Variants in ANKRD6 observed in about 807,000 individuals in gnomAD.
ANKRD6 encodes ankyrin repeat domain 6.
A neutral mutation model predicts 82.3 loss-of-function variants in ANKRD6; 56 were observed. The observed-to-expected ratio is 0.68, with a 90% confidence interval of 0.55 to 0.85. The LOEUF is 0.85. Among genes scored for constraint, ANKRD6 ranks in the 40% least tolerant of loss-of-function variants. The probability of loss-of-function intolerance (pLI) is 0.00; values close to 1 mark genes in which losing one functional copy is unlikely to be tolerated. For synonymous variants in ANKRD6, 347 were observed against 352.1 expected, an observed-to-expected ratio of 0.99 and a Z score of 0.16; for missense variants, 852 against 907.6, an observed-to-expected ratio of 0.94 and a Z score of 0.79.
At chr6:89,623,125 G>T (rs545171172) in intron 10 of ANKRD6, among the ~76,000 whole-genome samples, 1 of 152,136 alleles carries the variant, frequency 6.6e-6, no homozygotes, top group East Asian at 1.9e-4. Context: ...GGTGTTTTGT[G>T]TCGGGTAGGT....
intron 1 of ANKRD6, among the ~76,000 whole-genome samples, chr6:89,514,117 C>T (rs148937337): frequency 1.4e-3 from 211 of 152,300 alleles, no homozygotes; most frequent in African/African-American, 4.8e-3. Context: ...GTAGATCATG[C>T]CTGTAATCCC....
chr6:89,444,915 C>A (rs1005889445), intron 1 of ANKRD6, among the ~76,000 whole-genome samples: 32 of 151,978 alleles, frequency 2.1e-4, no homozygotes, highest in Non-Finnish European at 3.8e-4. Flanking sequence ...TTACAGTGAG[C>A]CAAGATCACA....
chr6:89,612,872 C>T (rs1408725499), intron 6 of ANKRD6, among the ~76,000 whole-genome samples: 2 of 152,210 alleles, frequency 1.3e-5, no homozygotes, highest in African/African-American at 4.8e-5. Context: ...CACAAAGAAG[C>T]TGTATTTCCT....
At chr6:89,493,893 CA>C (rs1197358222) in intron 1 of ANKRD6, among the ~76,000 whole-genome samples, 16 of 152,136 alleles carry the variant, frequency 1.1e-4, no homozygotes, top group Non-Finnish European at 2.1e-4. Flanking sequence ...AGGAAGTTGA[CA>C]TAACTTTTTG....
intron 5 of ANKRD6, among the ~76,000 whole-genome samples, chr6:89,607,184 G>C (rs1583695544): frequency 7.4e-6 from 1 of 134,762 alleles, no homozygotes; most frequent in Non-Finnish European, 1.6e-5. Flanking sequence ...AAAAAAAAAA[G>C]GTCCTTTTTA....
rs573912891 is a variant in ANKRD6 at position 89,498,245 on chromosome 6, A to G, written c.-144+64870A>G. Among the ~76,000 whole-genome samples, 24 of 152,306 alleles carry G rather than the reference A, an allele frequency of 1.6e-4. No homozygotes were observed. The East Asian group carries it at 4.2e-3, about 27-fold the overall frequency. On this transcript the variant is annotated intron_variant, in intron 1 of 15. Transcript: ENST00000339746. The stretch of plus-strand genomic sequence containing the variant: ...TTTGAAGCTAGTGTTATTACTTTAT[A>G]AATATTTTAATATATGCATTTGTAC...
rs746815970 is a variant in ANKRD6, at chr6:89,629,093, G to GT, written c.1486-16dup. 1.5e-5 allele frequency: 24 copies of GT among 1,590,212 alleles called. No individual in the cohort carries two copies. The highest frequency in any genetic ancestry group is 4.2e-5 in the African/African-American group (3 of 72,164). On this transcript the variant is annotated intron_variant, in intron 14 of 15. Coordinates refer to ENST00000339746, the MANE Select transcript of ANKRD6 (RefSeq NM_001242809.2). Reference sequence around the variant, plus strand: ...ATTCTTCTATGTACTTATTTGTGGGGTTTGTTTTTTTTTTTAAGATATCCT... The same window carrying GT: ...ATTCTTCTATGTACTTATTTGTGGGGTTTTGTTTTTTTTTTTAAGATATCCT...
intron 1 of ANKRD6, among the ~76,000 whole-genome samples, chr6:89,552,253 T>G (rs1381296291): frequency 6.6e-6 from 1 of 152,168 alleles, no homozygotes; most frequent in East Asian, 1.9e-4. Context: ...AGCATTACCT[T>G]CCTTAGGGGT....
At chr6:89,601,265 A>G (rs1583629813) in intron 3 of ANKRD6, among the ~76,000 whole-genome samples, 1 of 151,886 alleles carries the variant, frequency 6.6e-6, no homozygotes, top group Non-Finnish European at 1.5e-5. Flanking sequence ...AACCTAACTG[A>G]TAACAGGAAT....
intron 1 of ANKRD6, among the ~76,000 whole-genome samples, chr6:89,528,910 A>G (rs986529706): frequency 1.3e-5 from 2 of 152,228 alleles, no homozygotes; most frequent in Admixed American, 1.3e-4. Flanking sequence ...GTAGGTCTCA[A>G]TAAGCATGGA....
chr6:89,621,701 G>C (rs1433403636), intron 9 of ANKRD6: 5 of 561,042 alleles, frequency 8.9e-6, no homozygotes, highest in Non-Finnish European at 1.3e-5. Flanking sequence ...AGCTTCTTGA[G>C]GTCAGGGATA....
At position 89,631,149 on chromosome 6, in the gene ANKRD6, CAT is replaced by C. The variant is rs1310274899; in HGVS notation, c.*146_*147del. On this transcript the variant is annotated 3_prime_UTR_variant, in exon 16 of 16. Transcript: ENST00000339746. ...CACTAATTCTACAATGTGCCAGATA[CAT>C]GTTTCCTATGCCCAGGAAGTTATGA... The C allele has an allele frequency of 7.4e-7, 1 of 1,350,436 alleles. No homozygotes were observed. Among genetic ancestry groups the C allele is most frequent in the Non-Finnish European group, 9.6e-7 (1 of 1,042,302 alleles). The allele number at this position is 1,350,436 out of a possible 1,614,324, so 83.7% of individuals were successfully genotyped here.
At chr6:89,547,849 C>T (rs540187286) in intron 1 of ANKRD6, among the ~76,000 whole-genome samples, 1 of 152,234 alleles carries the variant, frequency 6.6e-6, no homozygotes, top group East Asian at 1.9e-4. Flanking sequence ...ATCACTGTGG[C>T]AAACACTTTA....
chr6:89,524,161 A>AT (rs907321405), intron 1 of ANKRD6, among the ~76,000 whole-genome samples: 5 of 151,348 alleles, frequency 3.3e-5, no homozygotes, highest in South Asian at 2.1e-4. Flanking sequence ...TTTTCTTTTT[A>AT]TTTTTTTTCA....
At chr6:89,562,045 G>A (rs921445547) in intron 1 of ANKRD6, among the ~76,000 whole-genome samples, 4 of 152,202 alleles carry the variant, frequency 2.6e-5, no homozygotes, top group African/African-American at 9.6e-5. Flanking sequence ...AGAGGAAAAT[G>A]TGGGGATATT....
intron 2 of ANKRD6, among the ~76,000 whole-genome samples, chr6:89,572,225 G>T (rs1790083322): frequency 6.6e-6 from 1 of 152,190 alleles, no homozygotes; most frequent in African/African-American, 2.4e-5. Flanking sequence ...GAGTAAAGCT[G>T]CTATAAACAT....
chr6:89,527,893 T>G (rs1782700120), intron 1 of ANKRD6, among the ~76,000 whole-genome samples: 1 of 152,186 alleles, frequency 6.6e-6, no homozygotes, highest in Non-Finnish European at 1.5e-5. Context: ...CACTGTAACC[T>G]CAAACTCCCA....
At chr6:89,447,952 G>T (rs1277813351) in intron 1 of ANKRD6, among the ~76,000 whole-genome samples, 1 of 151,612 alleles carries the variant, frequency 6.6e-6, no homozygotes, top group African/African-American at 2.4e-5. Flanking sequence ...CTCCCAGAGT[G>T]CTGGGATTAC....
chr6:89,631,046 C>T lies in ANKRD6; in HGVS notation c.*42C>T. On this transcript the variant is annotated 3_prime_UTR_variant, in exon 16 of 16. Coordinates refer to ENST00000339746, the MANE Select transcript of ANKRD6 (RefSeq NM_001242809.2). Reference sequence around the variant, plus strand: ...ATATGAAAGGATTCTTGAAGATTTCCAGTTTTGCAACTGCATAATAGCTAT... The same window carrying T: ...ATATGAAAGGATTCTTGAAGATTTCTAGTTTTGCAACTGCATAATAGCTAT... The T allele has an allele frequency of 6.8e-7, 1 of 1,461,570 alleles. No individual in the cohort carries two copies. Among genetic ancestry groups the T allele is most frequent in the South Asian group, 1.5e-5 (1 of 68,400 alleles). The allele number at this position is 1,461,570 out of a possible 1,614,324, so 90.5% of individuals were successfully genotyped here.
Sources: allele counts gnomAD v4.1 joint callset (sites outside exome capture counted in the v4.1 genomes callset), GRCh38; gene constraint gnomAD v4.1.1; transcripts MANE v1.5; gene names NCBI Gene and HGNC (gene_info 2026-07-23, HGNC 2026-07-21).